CADM1: variants seen among roughly 807,000 people sequenced by gnomAD.
CADM1 encodes the protein TSLC-1.
In CADM1, 15 loss-of-function variants were observed where a neutral mutation model predicts 53.1. That is an observed-to-expected ratio of 0.28 (90% CI 0.19 to 0.44). The LOEUF is 0.44. Among genes scored for constraint, CADM1 ranks in the 20% least tolerant of loss-of-function variants. CADM1 has a pLI of 1.00. For synonymous variants in CADM1, 281 were observed against 243.0 expected (o/e 1.16, Z -1.45); for missense variants, 434 against 611.3 (o/e 0.71, Z 3.06).
chr11:115,501,902 G>A (rs1235785363), intron 1 of CADM1, among the ~76,000 whole-genome samples: 1 of 152,050 alleles, frequency 6.6e-6, no homozygotes, highest in Non-Finnish European at 1.5e-5. Context: ...AACTCACCAC[G>A]AAATATATAT....
Position 115,174,627 on chromosome 11 carries a change from G to A in CADM1, c.*1847C>T, listed in dbSNP as rs578083118. On this transcript the variant is annotated 3_prime_UTR_variant, in exon 12 of 12. Transcript: ENST00000331581. Reference sequence around the variant, plus strand: ...AATAAACATGTTTTCAAATAACAAAGAGTTGACACTTTTTCCCCCTTAAAT... The same window carrying A: ...AATAAACATGTTTTCAAATAACAAAAAGTTGACACTTTTTCCCCCTTAAAT... The A allele has an allele frequency of 1.4e-5, 14 of 984,038 alleles. No homozygotes were observed. The South Asian group carries it at 5.2e-4, about 36-fold the overall frequency. The allele number at this position is 984,038 out of a possible 1,614,324, so 61.0% of individuals were successfully genotyped here. A position where few individuals can be genotyped will look rare whatever the true frequency, so the allele number is the denominator to read the frequency against.
intron 1 of CADM1, among the ~76,000 whole-genome samples, chr11:115,471,053 G>A (rs1012216548): frequency 6.6e-6 from 1 of 152,156 alleles, no homozygotes; most frequent in Admixed American, 6.6e-5. Context: ...AGTAGCCTAA[G>A]ACATAGCCAA....
intron 9 of CADM1, among the ~76,000 whole-genome samples, chr11:115,194,287 AT>A (rs1471378997): frequency 6.6e-6 from 1 of 152,186 alleles, no homozygotes; most frequent in East Asian, 1.9e-4. Context: ...GGGCTTAAGA[AT>A]TTCCCCACAA....
chr11:115,241,048 G>C (rs1414433391), intron 1 of CADM1: 1 of 153,556 alleles, frequency 6.5e-6, no homozygotes, highest in African/African-American at 2.4e-5. Flanking sequence ...CAAAGCCCCA[G>C]GCATCTCTGA....
At chr11:115,362,805 C>T (rs1327039663) in intron 1 of CADM1, among the ~76,000 whole-genome samples, 1 of 152,060 alleles carries the variant, frequency 6.6e-6, no homozygotes, top group Non-Finnish European at 1.5e-5. Flanking sequence ...CTTATAACCC[C>T]AAAGGAAGTA....
intron 1 of CADM1, among the ~76,000 whole-genome samples, chr11:115,421,012 T>C (rs1216488468): frequency 6.6e-6 from 1 of 152,198 alleles, no homozygotes; most frequent in Non-Finnish European, 1.5e-5. Flanking sequence ...TGCAGGGATG[T>C]TTTTTAATGC....
intron 1 of CADM1, among the ~76,000 whole-genome samples, chr11:115,376,730 G>GA (rs1326470793): frequency 7.9e-5 from 12 of 152,164 alleles, no homozygotes; most frequent in African/African-American, 2.9e-4. Flanking sequence ...AGAGAGCCAT[G>GA]AAAAGTACAT....
At position 115,431,221 on chromosome 11, in the gene CADM1, G is replaced by A. The variant is rs552421033; in HGVS notation, c.124+73050C>T. On this transcript the variant is annotated intron_variant, in intron 1 of 11. Transcript: ENST00000331581. ...AGACGCAAAATAAGGATTATTTCGT[G>A]TTATTTAATGTCGGTATGTCATTTA... Among the ~76,000 whole-genome samples, 3 of 152,262 alleles carry A rather than the reference G, an allele frequency of 2.0e-5. No homozygotes were observed. In the East Asian group the frequency reaches 5.8e-4, roughly 29 times the overall value.
intron 1 of CADM1, among the ~76,000 whole-genome samples, chr11:115,394,043 A>C (rs1946920657): frequency 6.6e-6 from 1 of 152,208 alleles, no homozygotes; most frequent in African/African-American, 2.4e-5. Flanking sequence ...TAGAGTAATC[A>C]TTTTGACTAT....
In CADM1 at chr11:115,171,430, G is replaced by A. The variant is rs1488737738; in HGVS notation, c.*5044C>T. The stretch of plus-strand genomic sequence containing the variant: ...GGTAGACAGAGGACAGTGAAAGATT[G>A]CACCAATTAACACCCGCATATCACC... On this transcript the variant is annotated 3_prime_UTR_variant, in exon 12 of 12. Coordinates refer to ENST00000331581, the MANE Select transcript of CADM1 (RefSeq NM_001301043.2). 6.6e-6 allele frequency: 1 copy of A among 152,168 alleles called. No homozygotes were observed. The highest frequency in any genetic ancestry group is 2.4e-5 in the African/African-American group (1 of 41,432). 9.4% of individuals were successfully genotyped at this position (152,168 alleles called of 1,614,324 possible). A position where few individuals can be genotyped will look rare whatever the true frequency, so the allele number is the denominator to read the frequency against.
At chr11:115,224,972 C>T (rs941238934) in intron 5 of CADM1, among the ~76,000 whole-genome samples, 7 of 152,150 alleles carry the variant, frequency 4.6e-5, no homozygotes, top group Non-Finnish European at 8.8e-5. Flanking sequence ...TAGGGTCATA[C>T]AGCTCGGAAC....
chr11:115,201,317 A>G (rs1337405197), intron 8 of CADM1, among the ~76,000 whole-genome samples: 1 of 152,192 alleles, frequency 6.6e-6, no homozygotes, highest in Non-Finnish European at 1.5e-5. Context: ...TGCTACTTGA[A>G]CAGAGGTTAT....
intron 1 of CADM1, among the ~76,000 whole-genome samples, chr11:115,289,921 GCTTAA>G (rs971339932): frequency 2.0e-5 from 3 of 152,122 alleles, no homozygotes; most frequent in African/African-American, 7.2e-5. Context: ...ATTGAATTTT[GCTTAA>G]CTTAAATTCA....
chr11:115,400,561 GAT>G (rs111342034), intron 1 of CADM1, among the ~76,000 whole-genome samples: 2,209 of 129,108 alleles, frequency 0.017, 82 homozygotes, highest in African/African-American at 0.053. Context: ...ATATGGTGGT[GAT>G]ATATATATAT....
chr11:115,197,848 G>A (rs781403432), intron 9 of CADM1, among the ~76,000 whole-genome samples: 16 of 152,188 alleles, frequency 1.1e-4, no homozygotes, highest in African/African-American at 3.6e-4. Context: ...GTGAGGGGTG[G>A]TGGGGTACAT....
chr11:115,502,903 G>A (rs1163869713), intron 1 of CADM1, among the ~76,000 whole-genome samples: 1 of 152,198 alleles, frequency 6.6e-6, no homozygotes, highest in African/African-American at 2.4e-5. Flanking sequence ...CGCTGTGCCC[G>A]CCCGGGCCTG....
At chr11:115,458,218 T>C (rs1948720530) in intron 1 of CADM1, among the ~76,000 whole-genome samples, 1 of 152,014 alleles carries the variant, frequency 6.6e-6, no homozygotes, top group Non-Finnish European at 1.5e-5. Flanking sequence ...ACTATAATTA[T>C]AAAGGCTTTA....
chr11:115,473,198 T>C (rs1206653955), intron 1 of CADM1, among the ~76,000 whole-genome samples: 2 of 152,158 alleles, frequency 1.3e-5, no homozygotes, highest in Non-Finnish European at 2.9e-5. Flanking sequence ...ATGGCTCACG[T>C]GTATAATCCC....
At chr11:115,446,498 G>GT (rs1254554149) in intron 1 of CADM1, among the ~76,000 whole-genome samples, 1 of 152,302 alleles carries the variant, frequency 6.6e-6, no homozygotes, top group Non-Finnish European at 1.5e-5. Context: ...GGCACTGAGT[G>GT]TTTTTAAGAT....
Sources: gnomAD v4.1 joint callset for allele counts (sites outside exome capture counted in the v4.1 genomes callset) on GRCh38, gnomAD v4.1.1 for gene constraint, MANE v1.5 for transcripts, NCBI Gene and HGNC (gene_info 2026-07-23, HGNC 2026-07-21) for gene names.